NPAS2: variants seen among roughly 807,000 people sequenced by gnomAD.
The protein encoded by NPAS2 is neuronal PAS domain-containing protein 2.
NPAS2 carries 23 observed loss-of-function variants against 107.5 expected under a neutral mutation model. The observed-to-expected ratio is 0.21, with a 90% confidence interval of 0.15 to 0.30. NPAS2 has a LOEUF of 0.30. Ranked by LOEUF, NPAS2 falls within the 10% of genes least tolerant of loss-of-function variation. The pLI is 1.00. For missense variants in NPAS2, 756 were observed against 1,043.3 expected, an observed-to-expected ratio of 0.72 and a Z score of 3.79; for synonymous variants, 403 against 417.5, an observed-to-expected ratio of 0.97 and a Z score of 0.42.
At chr2:100,971,292 C>CT (rs1676534802) in intron 12 of NPAS2, among the ~76,000 whole-genome samples, 1 of 96,428 alleles carries the variant, frequency 1.0e-5, no homozygotes, top group Admixed American at 1.3e-4. Context: ...GAGTAAGACT[C>CT]TATCTCAAAA....
At chr2:100,840,278 G>C (rs1022089883) in intron 1 of NPAS2, among the ~76,000 whole-genome samples, 5 of 152,130 alleles carry the variant, frequency 3.3e-5, no homozygotes, top group Non-Finnish European at 7.3e-5. Flanking sequence ...CAGTTCCAAG[G>C]TTACCGGTGT....
At chr2:100,822,114 C>T (rs1032999122) in intron 1 of NPAS2, among the ~76,000 whole-genome samples, 2 of 152,126 alleles carry the variant, frequency 1.3e-5, no homozygotes, top group Non-Finnish European at 2.9e-5. Flanking sequence ...TCCCACTGTG[C>T]GTAAATGTAG....
intron 16 of NPAS2, chr2:100,983,883 A>ACTT (rs1262161753): frequency 6.6e-6 from 1 of 152,222 alleles, no homozygotes; most frequent in Non-Finnish European, 1.5e-5. Flanking sequence ...TTTTACACTA[A>ACTT]CAGGAAGGGG....
chr2:100,854,434 C>T (rs1279906852), intron 1 of NPAS2, among the ~76,000 whole-genome samples: 1 of 152,170 alleles, frequency 6.6e-6, no homozygotes, highest in Non-Finnish European at 1.5e-5. Flanking sequence ...TAGGGTGTTT[C>T]TTTGCCTTTT....
At chr2:100,878,697 C>T (rs1308738430) in intron 1 of NPAS2, 1 of 693,442 alleles carries the variant, frequency 1.4e-6, no homozygotes, top group Non-Finnish European at 1.8e-6. Context: ...TTTGTAGATT[C>T]TCACTGATAC....
At chr2:100,871,917 CTGTTG>C (rs1679614035) in intron 1 of NPAS2, among the ~76,000 whole-genome samples, 3 of 152,164 alleles carry the variant, frequency 2.0e-5, no homozygotes, top group African/African-American at 7.2e-5. Context: ...CATGGGTCTT[CTGTTG>C]CAGACCCTTT....
chr2:100,865,159 C>T (rs1478178192), intron 1 of NPAS2, among the ~76,000 whole-genome samples: 1 of 152,146 alleles, frequency 6.6e-6, no homozygotes, highest in Non-Finnish European at 1.5e-5. Flanking sequence ...TCATGAGCTC[C>T]CAAGGGGTCA....
At chr2:100,884,953 AT>A (rs59617726) in intron 1 of NPAS2, among the ~76,000 whole-genome samples, 53,786 of 145,898 alleles carry the variant, frequency 0.37, 9,928 homozygotes, top group South Asian at 0.5. Flanking sequence ...TATATATATA[AT>A]TTTTTTTTTT....
At chr2:100,956,979 C>G (rs1412155898) in intron 7 of NPAS2, among the ~76,000 whole-genome samples, 2 of 152,164 alleles carry the variant, frequency 1.3e-5, no homozygotes, top group African/African-American at 4.8e-5. Context: ...TCTCCTCTGC[C>G]CCCATTCACT....
At chr2:100,937,001 A>C (rs968659627) in intron 4 of NPAS2, among the ~76,000 whole-genome samples, 3 of 147,480 alleles carry the variant, frequency 2.0e-5, no homozygotes, top group Admixed American at 1.3e-4. Context: ...AAAAAAAAAA[A>C]CCATGAGCAA....
intron 7 of NPAS2, among the ~76,000 whole-genome samples, chr2:100,951,132 G>A (rs190198094): frequency 3.9e-5 from 6 of 152,268 alleles, no homozygotes; most frequent in Admixed American, 3.9e-4. Flanking sequence ...TGGGGTTCTG[G>A]TTCCAGGGGC....
intron 7 of NPAS2, 46 bp downstream of exon 7, chr2:100,949,526 C>A: frequency 9.2e-7 from 1 of 1,092,406 alleles, no homozygotes; most frequent in Non-Finnish European, 1.4e-6. Flanking sequence ...TTTTCTCATG[C>A]AAACGTGCAC....
intron 1 of NPAS2, among the ~76,000 whole-genome samples, chr2:100,882,801 A>G (rs1438323599): frequency 2.6e-5 from 4 of 151,936 alleles, no homozygotes; most frequent in African/African-American, 9.7e-5. Flanking sequence ...TCTCTCTCAC[A>G]CGCACACATG....
chr2:100,996,142 A>G lies in NPAS2; in HGVS notation c.*560A>G, dbSNP rs1678433778. ...TTTTTTAAAAAAATAATAAGGTCTC[A>G]TGGCTTCATTTAGAGACCACAGTAA... On this transcript the variant is annotated 3_prime_UTR_variant, in exon 21 of 21. Transcript: ENST00000335681. 1 of 332,196 alleles carries G rather than the reference A, an allele frequency of 3.0e-6. No individual in the cohort carries two copies. 20.6% of individuals were successfully genotyped at this position (332,196 alleles called of 1,614,324 possible). A position where few individuals can be genotyped will look rare whatever the true frequency, so the allele number is the denominator to read the frequency against.
At position 100,965,341 on chromosome 2, in the gene NPAS2, C is replaced by G. The variant is rs1676153125; in HGVS notation, c.801-319C>G. ...TTGAAGAACTCCAAATCTCCCCTCC[C>G]CACCCTTTAATTTATATTACACTTT... On this transcript the variant is annotated intron_variant, in intron 9 of 20. Transcript: ENST00000335681. This position sits in a 1 kb window ranked among gnomAD's most constrained non-coding sequence, Gnocchi z 4.3. Among the ~76,000 whole-genome samples, 1 of 152,160 alleles carries G rather than the reference C, an allele frequency of 6.6e-6. No homozygotes were observed. The highest frequency in any genetic ancestry group is 2.1e-4 in the South Asian group (1 of 4,830).
intron 12 of NPAS2, among the ~76,000 whole-genome samples, chr2:100,971,943 C>CTT (rs562926280): frequency 1.8e-4 from 24 of 136,302 alleles, no homozygotes; most frequent in African/African-American, 4.9e-4. Context: ...ATGAATTTTT[C>CTT]TTTTTTTTTT....
intron 1 of NPAS2, chr2:100,847,351 A>G (rs1041859964): frequency 6.6e-6 from 1 of 152,166 alleles, no homozygotes. Context: ...TAGATTATGT[A>G]TACTTTACCA....
At chr2:100,944,644 G>C (rs953282564) in intron 5 of NPAS2, among the ~76,000 whole-genome samples, 1 of 152,138 alleles carries the variant, frequency 6.6e-6, no homozygotes, top group African/African-American at 2.4e-5. Context: ...TGTTTGTGTT[G>C]GTTTTCAGCA....
intron 2 of NPAS2, among the ~76,000 whole-genome samples, chr2:100,922,871 A>G (rs1683324036): frequency 6.6e-6 from 1 of 152,168 alleles, no homozygotes; most frequent in Non-Finnish European, 1.5e-5. Context: ...CTACCAGGCC[A>G]TGTTGGTCGT....
Sources: gnomAD v4.1 joint callset for allele counts (sites outside exome capture counted in the v4.1 genomes callset) on GRCh38, gnomAD v4.1.1 for gene constraint, Gnocchi (gnomAD v3.1) non-coding constraint, MANE v1.5 for transcripts, NCBI Gene and HGNC (gene_info 2026-07-23, HGNC 2026-07-21) for gene names.